The following SH3D19 variants were observed in gnomAD, a reference collection of about 807,000 sequenced individuals.
The protein encoded by SH3D19 is SH3 domain-containing protein 19.
In SH3D19, 58 loss-of-function variants were observed where a neutral mutation model predicts 112.1. The observed-to-expected ratio is 0.52, with a 90% CI of 0.42 to 0.64. The LOEUF is 0.64. Ranked by LOEUF, SH3D19 falls within the 30% of genes least tolerant of loss-of-function variation. The pLI is 0.00. For synonymous variants in SH3D19, 391 were observed against 448.5 expected, an observed-to-expected ratio of 0.87 and a Z score of 1.62; for missense variants, 1,090 against 1,263.4, an observed-to-expected ratio of 0.86 and a Z score of 2.08.
intron 1 of SH3D19, among the ~76,000 whole-genome samples, chr4:151,287,580 G>A (rs893521759): frequency 6.6e-6 from 1 of 152,106 alleles, no homozygotes; most frequent in African/African-American, 2.4e-5. Flanking sequence ...AATCCAAACT[G>A]GGGGTAATTA....
chr4:151,180,468 G>A (rs1264961228), intron 3 of SH3D19, among the ~76,000 whole-genome samples: 21 of 143,428 alleles, frequency 1.5e-4, no homozygotes, highest in African/African-American at 5.1e-4. Context: ...GTGCAGTGGC[G>A]CGATCTTGGC....
intron 3 of SH3D19, among the ~76,000 whole-genome samples, chr4:151,181,204 T>C (rs191130366): frequency 1.8e-4 from 27 of 152,342 alleles, no homozygotes; most frequent in Admixed American, 4.6e-4. Context: ...GTTGCTTTCA[T>C]ATCTCAGTAA....
chr4:151,219,379 C>T (rs752292269), intron 2 of SH3D19, among the ~76,000 whole-genome samples: 9 of 152,220 alleles, frequency 5.9e-5, no homozygotes, highest in Non-Finnish European at 1.2e-4. Context: ...TAAATTCCCA[C>T]TTGCCCATGA....
chr4:151,254,613 T>C (rs1450856095), intron 1 of SH3D19, among the ~76,000 whole-genome samples: 2 of 149,376 alleles, frequency 1.3e-5, no homozygotes, highest in Non-Finnish European at 3.0e-5. Context: ...ACACAGCACA[T>C]GTTTCAGAGA....
At chr4:151,123,267 G>A (rs939762915) in intron 19 of SH3D19, among the ~76,000 whole-genome samples, 2 of 152,182 alleles carry the variant, frequency 1.3e-5, no homozygotes, top group Admixed American at 6.5e-5. Context: ...TTCAAATCTA[G>A]TGCAATTCCT....
At chr4:151,156,303 TACAA>T (rs1258796109) in intron 9 of SH3D19, among the ~76,000 whole-genome samples, 2 of 151,954 alleles carry the variant, frequency 1.3e-5, no homozygotes, top group East Asian at 1.9e-4. Context: ...TGACATTCTT[TACAA>T]ACAAAGAAAA....
chr4:151,208,014 G>GATGTGTC (rs1465039465), intron 2 of SH3D19, among the ~76,000 whole-genome samples: 1 of 152,202 alleles, frequency 6.6e-6, no homozygotes, highest in Non-Finnish European at 1.5e-5. Flanking sequence ...TAATCAATTT[G>GATGTGTC]ATGTGTCAAC....
chr4:151,201,843 C>G (rs2149887435), intron 2 of SH3D19, among the ~76,000 whole-genome samples: 1 of 150,424 alleles, frequency 6.6e-6, no homozygotes, highest in South Asian at 2.1e-4. Flanking sequence ...GAAACTCTGT[C>G]TCTACTAAAA....
chr4:151,126,332 T>C (rs916081806), intron 19 of SH3D19, among the ~76,000 whole-genome samples: 1 of 152,160 alleles, frequency 6.6e-6, no homozygotes, highest in African/African-American at 2.4e-5. Context: ...TTCTATGGCA[T>C]CCTTTCCTCT....
intron 1 of SH3D19, among the ~76,000 whole-genome samples, chr4:151,246,679 C>T (rs1770970360): frequency 6.6e-6 from 1 of 152,132 alleles, no homozygotes; most frequent in Non-Finnish European, 1.5e-5. Context: ...TTGTCAGGTA[C>T]TTACCTAACT....
chr4:151,282,186 C>G, intron 1 of SH3D19: 1 of 1,613,832 alleles, frequency 6.2e-7, no homozygotes, highest in Middle Eastern at 1.7e-4. Flanking sequence ...TGGCTAGGAT[C>G]GATTACAGTA....
intron 1 of SH3D19, among the ~76,000 whole-genome samples, chr4:151,321,951 T>A (rs2126411707): frequency 6.6e-6 from 1 of 152,320 alleles, no homozygotes; most frequent in Non-Finnish European, 1.5e-5. Context: ...AGGTGTTGTG[T>A]CTAGCTTTCA....
intron 16 of SH3D19, 49 bp downstream of exon 16, chr4:151,132,985 T>C: frequency 7.0e-7 from 1 of 1,438,218 alleles, no homozygotes; most frequent in South Asian, 1.2e-5. Context: ...TATTATTTGG[T>C]TTATTTGAAT....
chr4:151,308,994 G>T (rs545866303), intron 1 of SH3D19, among the ~76,000 whole-genome samples: 1 of 151,834 alleles, frequency 6.6e-6, no homozygotes. Context: ...CCACCCTCCC[G>T]AGTAGCTGGG....
chr4:151,176,899 G>A lies in SH3D19; in HGVS notation c.293C>T (p.Pro98Leu). The A allele has an allele frequency of 6.5e-6, 8 of 1,232,228 alleles. No homozygotes were observed. The highest frequency in any genetic ancestry group is 8.1e-6 in the Non-Finnish European group (8 of 987,992). 76.3% of individuals were successfully genotyped at this position (1,232,228 alleles called of 1,614,324 possible). ...AEPLRPASWF[P>L]GTPPPGLGFP... is the part of the protein sequence containing the mutation. ...TCCCAGTCCTGGGGGTGGGGTTCCT[G>A]GAAACCACGAGGCTGGCCTCAGTGG... The change falls in exon 5 of 20, where the codon CCA becomes CTA. Residue 98 changes from proline (P) to leucine (L), a missense_variant. By Grantham distance (98) the Pro-to-Leu change is moderately conservative. Coordinates refer to ENST00000604030, the MANE Select transcript of SH3D19 (RefSeq NM_001378122.1).
At chr4:151,177,362 CAG>C (rs1340719771) in intron 4 of SH3D19, among the ~76,000 whole-genome samples, 1 of 152,152 alleles carries the variant, frequency 6.6e-6, no homozygotes, top group Non-Finnish European at 1.5e-5. Context: ...TTATCTGAGA[CAG>C]AGTCTCACTC....
At chr4:151,223,492 A>T (rs1298287698) in intron 2 of SH3D19, among the ~76,000 whole-genome samples, 2 of 152,180 alleles carry the variant, frequency 1.3e-5, no homozygotes, top group African/African-American at 4.8e-5. Context: ...CTAGATGTCC[A>T]GGATCATCTT....
At chr4:151,230,482 A>C (rs1214304707) in intron 1 of SH3D19, among the ~76,000 whole-genome samples, 1 of 152,218 alleles carries the variant, frequency 6.6e-6, no homozygotes, top group Non-Finnish European at 1.5e-5. Context: ...TACTGACTCA[A>C]GTTGGAAATG....
At chr4:151,201,101 C>T (rs900934840) in intron 2 of SH3D19, among the ~76,000 whole-genome samples, 2 of 152,120 alleles carry the variant, frequency 1.3e-5, no homozygotes, top group African/African-American at 4.8e-5. Flanking sequence ...TTAAAAATTG[C>T]TATAGCAAAC....
Sources: allele counts gnomAD v4.1 joint callset (sites outside exome capture counted in the v4.1 genomes callset), GRCh38; gene constraint gnomAD v4.1.1; transcripts MANE v1.5; gene names NCBI Gene and HGNC (gene_info 2026-07-23, HGNC 2026-07-21).